RNLS: variants seen among roughly 807,000 people sequenced by gnomAD.
RNLS encodes renalase, FAD dependent amine oxidase.
In RNLS, 39 loss-of-function variants were observed where a neutral mutation model predicts 39.8. That is an observed-to-expected ratio of 0.98 (90% CI 0.76 to 1.28). The LOEUF is 1.28. Ranked by LOEUF, RNLS falls within the 50% of genes most tolerant of loss-of-function variation. RNLS has a pLI of 0.00. For missense variants in RNLS, 410 were observed against 413.3 expected, an observed-to-expected ratio of 0.99 and a Z score of 0.07; for synonymous variants, 147 against 150.7, an observed-to-expected ratio of 0.98 and a Z score of 0.18.
chr10:88,512,044 G>A (rs185902829), intron 4 of RNLS, among the ~76,000 whole-genome samples: 105 of 152,186 alleles, frequency 6.9e-4, no homozygotes, highest in Admixed American at 1.2e-3. Flanking sequence ...ATGTAAATCA[G>A]TAACACTATA....
At chr10:88,228,846 C>T in the RNLS span, among the ~76,000 whole-genome samples, 1 of 152,208 alleles carries the variant, frequency 6.6e-6, no homozygotes, top group Non-Finnish European at 1.5e-5. Flanking sequence ...CAAGCTTTCC[C>T]TCATCCTTTT....
the RNLS span, among the ~76,000 whole-genome samples, chr10:88,258,246 A>G: frequency 6.6e-6 from 1 of 152,198 alleles, no homozygotes; most frequent in Non-Finnish European, 1.5e-5. Flanking sequence ...TGACGGTGAC[A>G]TTGGTGCAAA....
At chr10:88,323,966 C>T (rs566453467) in intron 5 of RNLS, among the ~76,000 whole-genome samples, 63 of 152,212 alleles carry the variant, frequency 4.1e-4, no homozygotes, top group African/African-American at 1.4e-3. Flanking sequence ...AAGCAACCAA[C>T]AAACATATGG....
chr10:88,331,907 G>A (rs1273906081), intron 5 of RNLS, among the ~76,000 whole-genome samples: 1 of 152,176 alleles, frequency 6.6e-6, no homozygotes, highest in Non-Finnish European at 1.5e-5. Flanking sequence ...GATGATAAAA[G>A]ATAGCCAGGG....
intron 4 of RNLS, among the ~76,000 whole-genome samples, chr10:88,449,318 T>G (rs1003225312): frequency 2.6e-5 from 4 of 152,214 alleles, no homozygotes; most frequent in African/African-American, 9.6e-5. Flanking sequence ...TGCTTGTTAT[T>G]CCCAAACATA....
chr10:88,185,864 A>T, the RNLS span, among the ~76,000 whole-genome samples: 3 of 152,220 alleles, frequency 2.0e-5, no homozygotes, highest in Non-Finnish European at 4.4e-5. Flanking sequence ...CATCAAATGC[A>T]TTAAAAAACA....
the RNLS span, among the ~76,000 whole-genome samples, chr10:88,248,444 A>G: frequency 1.3e-5 from 2 of 152,192 alleles, no homozygotes; most frequent in African/African-American, 2.4e-5. Flanking sequence ...AGATTCAGAA[A>G]ATTAGCAAGA....
downstream of RNLS, among the ~76,000 whole-genome samples, chr10:88,279,841 TC>T (rs1244897456): frequency 6.6e-6 from 1 of 152,124 alleles, no homozygotes; most frequent in Non-Finnish European, 1.5e-5. Context: ...AACCACCTTT[TC>T]CCCAGGTAAG....
intron 4 of RNLS, among the ~76,000 whole-genome samples, chr10:88,386,670 T>C (rs757060505): frequency 6.6e-6 from 1 of 152,194 alleles, no homozygotes; most frequent in Non-Finnish European, 1.5e-5. Context: ...AAAGGGTGGA[T>C]TTCTAGCTAT....
At chr10:88,281,500 G>A (rs920372322), downstream of RNLS, among the ~76,000 whole-genome samples, 25 of 152,106 alleles carry the variant, frequency 1.6e-4, no homozygotes, top group African/African-American at 5.8e-4. Flanking sequence ...GAATCTCTGG[G>A]TGGGGATTGC....
chr10:88,205,225 G>C, the RNLS span, among the ~76,000 whole-genome samples: 1 of 151,912 alleles, frequency 6.6e-6, no homozygotes, highest in Non-Finnish European at 1.5e-5. Flanking sequence ...GTGTCATCTG[G>C]GACTAGCAAA....
At chr10:88,582,498 T>G (rs528561871) in intron 1 of RNLS, among the ~76,000 whole-genome samples, 191 bp from the exon 2 acceptor site, 1 of 152,308 alleles carries the variant, frequency 6.6e-6, no homozygotes, top group South Asian at 2.1e-4. Flanking sequence ...CCAGCACCAT[T>G]ATAGTGCATA....
intron 5 of RNLS, among the ~76,000 whole-genome samples, chr10:88,327,995 G>C (rs1397950719): frequency 6.6e-6 from 1 of 152,168 alleles, no homozygotes; most frequent in African/African-American, 2.4e-5. Context: ...TGCAACCTCT[G>C]CCTCCCAGGT....
intron 6 of RNLS, among the ~76,000 whole-genome samples, chr10:88,308,197 C>G (rs1015318177): frequency 1.3e-5 from 2 of 152,156 alleles, no homozygotes; most frequent in Non-Finnish European, 2.9e-5. Context: ...CTAGGCAATC[C>G]ATTCTGGACA....
chr10:88,353,497 C>A (rs769318563), intron 5 of RNLS, among the ~76,000 whole-genome samples: 1 of 152,202 alleles, frequency 6.6e-6, no homozygotes, highest in African/African-American at 2.4e-5. Context: ...GCAGCTTGTT[C>A]AGTTTCCATG....
intron 4 of RNLS, among the ~76,000 whole-genome samples, chr10:88,369,516 T>TC (rs546312257): frequency 3.9e-5 from 6 of 152,160 alleles, no homozygotes; most frequent in Non-Finnish European, 8.8e-5. Context: ...GTGGCTCTTT[T>TC]CCCCTGGTTC....
intron 4 of RNLS, among the ~76,000 whole-genome samples, chr10:88,569,716 G>A (rs1849715263): frequency 6.6e-6 from 1 of 152,060 alleles, no homozygotes; most frequent in Non-Finnish European, 1.5e-5. Flanking sequence ...AAGCAATGGG[G>A]AAAAGACTCC....
the RNLS span, among the ~76,000 whole-genome samples, chr10:88,191,207 C>G: frequency 6.6e-6 from 1 of 152,194 alleles, no homozygotes; most frequent in South Asian, 2.1e-4. Flanking sequence ...CTGTTACCTT[C>G]CATTGACTCA....
chr10:88,234,308 T>A, the RNLS span, among the ~76,000 whole-genome samples: 1 of 152,068 alleles, frequency 6.6e-6, no homozygotes, highest in Admixed American at 6.6e-5. Flanking sequence ...GAGACTCTCA[T>A]GCTTGGACCC....
Sources: allele counts gnomAD v4.1 joint callset (sites outside exome capture counted in the v4.1 genomes callset), GRCh38; gene constraint gnomAD v4.1.1; transcripts MANE v1.5; gene names NCBI Gene and HGNC (gene_info 2026-07-23, HGNC 2026-07-21).